The following ALKAL1 variants were observed in gnomAD, a reference collection of about 807,000 sequenced individuals.
ALKAL1 encodes ALK and LTK ligand 1.
A neutral mutation model predicts 13.5 loss-of-function variants in ALKAL1; 23 were observed. The observed-to-expected ratio is 1.70, with a 90% confidence interval of 1.23 to 2.41. The LOEUF is 2.41. Ranked by LOEUF, ALKAL1 falls within the 30% of genes most tolerant of loss-of-function variation. The pLI, the probability that ALKAL1 is intolerant of heterozygous loss-of-function variation, is 0.00. For synonymous variants in ALKAL1, 85 were observed against 77.7 expected (o/e 1.09, Z -0.49); for missense variants, 181 against 178.4 (o/e 1.01, Z -0.08).
At chr8:52,560,172 T>A (rs1847533117) in intron 1 of ALKAL1, among the ~76,000 whole-genome samples, 1 of 152,130 alleles carries the variant, frequency 6.6e-6, no homozygotes, top group Non-Finnish European at 1.5e-5. Flanking sequence ...CAATGAACGA[T>A]ATCATCAAAT....
chr8:52,539,638 G>GAAT, intron 3 of ALKAL1, among the ~76,000 whole-genome samples, 193 bp downstream of exon 3: 1 of 152,172 alleles, frequency 6.6e-6, no homozygotes, highest in Middle Eastern at 3.4e-3. Context: ...TTCCCAATTA[G>GAAT]AATGTGGTTT....
intron 1 of ALKAL1, among the ~76,000 whole-genome samples, 159 bp from the exon 2 acceptor site, chr8:52,542,604 C>G (rs961940001): frequency 4.6e-5 from 7 of 152,176 alleles, no homozygotes; most frequent in African/African-American, 7.2e-5. Context: ...TGACCATTTC[C>G]TGGGCTCCAA....
chr8:52,542,393 T>C lies in ALKAL1; in HGVS notation c.243A>G (p.Thr81=), dbSNP rs1340067165. ...ATCACTGATACATTTTGTACTTACC[T>C]GTGAAATGCTTTATGAATTTGTCTT... The part of the protein sequence containing the change: ...NLKDKFIKHF[T]GPVTFSPECS... Residue 81 remains threonine, a splice_region_variant and synonymous_variant, in exon 2 of 5, where the codon ACA becomes ACG. Transcript: ENST00000358543. 1.7e-5 allele frequency: 26 copies of C among 1,534,656 alleles called. No individual in the cohort carries two copies. Among genetic ancestry groups the C allele is most frequent in the Non-Finnish European group, 1.9e-5 (21 of 1,114,216 alleles).
In ALKAL1 at chr8:52,565,221, T is replaced by C; in HGVS notation, c.36A>G (p.Ala12=). 7.5e-7 allele frequency: 1 copy of C among 1,328,560 alleles called. No homozygotes were observed. The allele number at this position is 1,328,560 out of a possible 1,614,324, so 82.3% of individuals were successfully genotyped here. Reference sequence around the variant, plus strand: ...ACAAAGCCAGCGCCAGCAGGAAGAGTGCGGGCAAAGGGGCGCCGGGCTTAA... The same window carrying C: ...ACAAAGCCAGCGCCAGCAGGAAGAGCGCGGGCAAAGGGGCGCCGGGCTTAA... ...RPLKPGAPLP[A]LFLLALALSP... Residue 12 remains alanine (A), a synonymous_variant, in exon 1 of 5, where the codon GCA becomes GCG. Transcript: ENST00000358543.
At chr8:52,539,767 T>C in intron 3 of ALKAL1, 64 bp downstream of exon 3, 1 of 1,241,852 alleles carries the variant, frequency 8.1e-7, no homozygotes, top group Non-Finnish European at 1.2e-6. Context: ...ACATTTGAAG[T>C]TTAAAATTAA....
At chr8:52,558,379 G>T (rs12674674) in intron 1 of ALKAL1, among the ~76,000 whole-genome samples, 4 of 136,018 alleles carry the variant, frequency 2.9e-5, no homozygotes, top group Admixed American at 2.3e-4. Context: ...AAAAAGTTCA[G>T]AATGGGGCAC....
chr8:52,545,229 T>C (rs893719442), intron 1 of ALKAL1, among the ~76,000 whole-genome samples: 4 of 152,250 alleles, frequency 2.6e-5, no homozygotes, highest in South Asian at 4.1e-4. Flanking sequence ...CTAAATAAGA[T>C]AGTTACAAAG....
chr8:52,543,384 T>C (rs546566270), intron 1 of ALKAL1, among the ~76,000 whole-genome samples: 88 of 152,296 alleles, frequency 5.8e-4, no homozygotes, highest in Non-Finnish European at 1.2e-3. Context: ...GACTGAGGCT[T>C]GGTAAATGCA....
rs939545728 is a variant in ALKAL1, at chr8:52,565,364, G to A, written c.-108C>T. ...CAGCGGGACCACAGCGCGGCTACGC[G>A]GCCGGCCGCAGTCTTCACCGCGCGC... On this transcript the variant is annotated 5_prime_UTR_variant, in exon 1 of 5. Transcript: ENST00000358543. 6 of 937,574 alleles carry A rather than the reference G, an allele frequency of 6.4e-6. No homozygotes were observed. Among genetic ancestry groups the A allele is most frequent in the African/African-American group, 5.2e-5 (3 of 58,220 alleles). 58.1% of individuals were successfully genotyped at this position (937,574 alleles called of 1,614,324 possible). A position where few individuals can be genotyped will look rare whatever the true frequency, so the allele number is the denominator to read the frequency against.
intron 3 of ALKAL1, among the ~76,000 whole-genome samples, chr8:52,539,628 T>C (rs1847293796): frequency 1.3e-5 from 2 of 152,174 alleles, no homozygotes; most frequent in Non-Finnish European, 2.9e-5. Context: ...TTTGAGTAGA[T>C]TCCCAATTAG....
At chr8:52,549,440 T>C (rs1038382521) in intron 1 of ALKAL1, among the ~76,000 whole-genome samples, 3 of 149,492 alleles carry the variant, frequency 2.0e-5, no homozygotes, top group Non-Finnish European at 3.0e-5. Flanking sequence ...ATATTAAATA[T>C]AGTATATATA....
intron 2 of ALKAL1, among the ~76,000 whole-genome samples, chr8:52,540,534 T>A (rs968274922): frequency 6.6e-6 from 1 of 152,022 alleles, no homozygotes; most frequent in Non-Finnish European, 1.5e-5. Flanking sequence ...AAGAACAGCC[T>A]AAGCACCATA....
At chr8:52,545,124 T>C (rs989285524) in intron 1 of ALKAL1, among the ~76,000 whole-genome samples, 1 of 151,986 alleles carries the variant, frequency 6.6e-6, no homozygotes, top group African/African-American at 2.4e-5. Context: ...CTAAGTATTG[T>C]GAAAGGAAAA....
chr8:52,559,095 CAT>C (rs1847513842), intron 1 of ALKAL1, among the ~76,000 whole-genome samples: 1 of 152,156 alleles, frequency 6.6e-6, no homozygotes, highest in Non-Finnish European at 1.5e-5. Context: ...CCAGGAAGGG[CAT>C]TAAACTGTTC....
intron 1 of ALKAL1, among the ~76,000 whole-genome samples, chr8:52,548,542 G>A (rs1847396187): frequency 6.6e-6 from 1 of 152,008 alleles, no homozygotes; most frequent in South Asian, 2.1e-4. Flanking sequence ...TGTTTGAGAT[G>A]GATATGCTAA....
At chr8:52,551,918 C>G (rs950846738) in intron 1 of ALKAL1, among the ~76,000 whole-genome samples, 4 of 152,140 alleles carry the variant, frequency 2.6e-5, no homozygotes, top group Admixed American at 1.3e-4. Context: ...CCCATATGCC[C>G]TGCCCTGGTG....
At chr8:52,553,135 G>A (rs987828305) in intron 1 of ALKAL1, among the ~76,000 whole-genome samples, 12 of 152,166 alleles carry the variant, frequency 7.9e-5, no homozygotes, top group African/African-American at 2.9e-4. Context: ...ATCACTTGAA[G>A]CCAGAAGTTT....
intron 1 of ALKAL1, among the ~76,000 whole-genome samples, chr8:52,558,151 T>C (rs554000008): frequency 1.2e-4 from 18 of 150,262 alleles, no homozygotes; most frequent in Non-Finnish European, 2.5e-4. Context: ...TATACACGTA[T>C]ATATACACAC....
intron 1 of ALKAL1, among the ~76,000 whole-genome samples, chr8:52,543,604 A>C (rs1230875759): frequency 6.6e-6 from 1 of 152,208 alleles, no homozygotes; most frequent in African/African-American, 2.4e-5. Context: ...CAAACAATTA[A>C]AACTAATCCT....
Sources: allele counts gnomAD v4.1 joint callset (sites outside exome capture counted in the v4.1 genomes callset), GRCh38; gene constraint gnomAD v4.1.1; transcripts MANE v1.5; gene names NCBI Gene and HGNC (gene_info 2026-07-23, HGNC 2026-07-21).